The following HPSE2 variants were observed in gnomAD, a reference collection of about 807,000 sequenced individuals.
The protein encoded by HPSE2 is inactive heparanase-2.
Under a neutral mutation model 60.5 loss-of-function variants are expected in HPSE2, and 38 were observed. That is an observed-to-expected ratio of 0.63 (90% CI 0.48 to 0.82). The LOEUF (loss-of-function observed/expected upper bound fraction) is 0.82, where lower values mean the gene tolerates loss of function less well. Ranked by LOEUF, HPSE2 falls within the 40% of genes least tolerant of loss-of-function variation. The pLI is 0.00. For missense variants in HPSE2, 713 were observed against 740.4 expected (o/e 0.96, Z 0.43); for synonymous variants, 295 against 293.2 (o/e 1.01, Z -0.06).
At chr10:99,296,362 C>G in the HPSE2 span, among the ~76,000 whole-genome samples, 1 of 152,212 alleles carries the variant, frequency 6.6e-6, no homozygotes, top group Non-Finnish European at 1.5e-5. Context: ...GATGCCCCCC[C>G]AACATGCCGT....
intron 2 of HPSE2, among the ~76,000 whole-genome samples, chr10:99,196,600 C>T (rs1329417715): frequency 1.3e-5 from 2 of 152,058 alleles, no homozygotes; most frequent in Non-Finnish European, 2.9e-5. Flanking sequence ...AGCAAACAGG[C>T]ATATGAAAAG....
intron 2 of HPSE2, among the ~76,000 whole-genome samples, chr10:99,152,919 C>T (rs1021333620): frequency 6.6e-6 from 1 of 152,200 alleles, no homozygotes; most frequent in East Asian, 1.9e-4. Context: ...CGAAGCAGGG[C>T]GAGGCATTGC....
At chr10:98,756,187 A>C (rs912988595) in intron 3 of HPSE2, among the ~76,000 whole-genome samples, 1 of 152,170 alleles carries the variant, frequency 6.6e-6, no homozygotes, top group Non-Finnish European at 1.5e-5. Flanking sequence ...GTTAAAAAGA[A>C]AGTTTATAGC....
intron 9 of HPSE2, among the ~76,000 whole-genome samples, chr10:98,538,885 T>G (rs1943372395): frequency 6.6e-6 from 1 of 152,140 alleles, no homozygotes; most frequent in African/African-American, 2.4e-5. Context: ...AGCATACGCA[T>G]TTGCGGGGAC....
chr10:98,933,649 C>G (rs577619841), intron 3 of HPSE2, among the ~76,000 whole-genome samples: 2 of 143,704 alleles, frequency 1.4e-5, no homozygotes, highest in South Asian at 4.2e-4. Context: ...GTATTGGGTG[C>G]ATATATATTT....
At chr10:98,988,090 A>C (rs1440598534) in intron 3 of HPSE2, among the ~76,000 whole-genome samples, 1 of 152,250 alleles carries the variant, frequency 6.6e-6, no homozygotes, top group African/African-American at 2.4e-5. Context: ...TATAGATTCA[A>C]TGCCATCCCC....
intron 9 of HPSE2, among the ~76,000 whole-genome samples, chr10:98,511,572 G>A (rs554067364): frequency 3.3e-3 from 313 of 93,616 alleles, no homozygotes; most frequent in African/African-American, 9.5e-3. Context: ...GTGTGTGTGT[G>A]TGTGTGTGTG....
At chr10:98,571,924 C>A (rs1360507726) in intron 9 of HPSE2, among the ~76,000 whole-genome samples, 2 of 144,722 alleles carry the variant, frequency 1.4e-5, no homozygotes, top group African/African-American at 5.0e-5. Context: ...TAATTCAGAG[C>A]AAGAGAATTC....
intron 3 of HPSE2, among the ~76,000 whole-genome samples, chr10:98,837,009 C>T (rs1220031606): frequency 6.6e-6 from 1 of 152,188 alleles, no homozygotes; most frequent in Non-Finnish European, 1.5e-5. Context: ...GGTGCCACTG[C>T]ACTCTAGCCT....
At chr10:98,565,963 A>T (rs1944331336) in intron 9 of HPSE2, among the ~76,000 whole-genome samples, 7 of 152,158 alleles carry the variant, frequency 4.6e-5, no homozygotes, top group Non-Finnish European at 1.5e-5. Context: ...CTTCCCAAAG[A>T]AGAAGTCCAG....
intron 11 of HPSE2, among the ~76,000 whole-genome samples, chr10:98,466,620 A>C (rs1457873063): frequency 6.6e-6 from 1 of 151,862 alleles, no homozygotes; most frequent in East Asian, 1.9e-4. Flanking sequence ...CAAAAAAAAA[A>C]AAAAAAAGAA....
At position 98,482,673 on chromosome 10, in the gene HPSE2, G is replaced by A. The variant is rs1264019312; in HGVS notation, c.1576C>T (p.Leu526=). Residue 526 remains leucine (L), a synonymous_variant, in exon 11 of 12, where the codon CTG becomes TTG. Transcript: ENST00000370552. ...CCCTCCTGCCCATAGGGCTGCAGCAGGTACTGGTGAACCAGCTTGTCTCTG... is the reference window on the plus strand; with the variant it reads ...CCCTCCTGCCCATAGGGCTGCAGCAAGTACTGGTGAACCAGCTTGTCTCTG... ...TLRDKLVHQY[L]LQPYGQEGLK... The A allele has an allele frequency of 5.6e-6, 9 of 1,614,062 alleles. No homozygotes were observed. The African/African-American group carries it at 1.1e-4, about 19-fold the overall frequency.
chr10:98,948,123 G>A (rs1375601078), intron 3 of HPSE2, among the ~76,000 whole-genome samples: 1 of 152,148 alleles, frequency 6.6e-6, no homozygotes. Context: ...TGAAAGTCTG[G>A]AAGGATTACA....
intron 3 of HPSE2, among the ~76,000 whole-genome samples, chr10:98,757,823 A>G (rs181779258): frequency 1.2e-3 from 178 of 152,346 alleles, no homozygotes; most frequent in East Asian, 9.6e-3. Context: ...CATTTTCCAC[A>G]GAATTAGAAA....
chr10:98,574,633 T>G (rs604761), intron 9 of HPSE2, among the ~76,000 whole-genome samples: 129,110 of 151,978 alleles, frequency 0.85, 56,110 homozygotes, highest in East Asian at 1. Context: ...ACTCCCTGGA[T>G]AAGATGCAGC....
intron 3 of HPSE2, among the ~76,000 whole-genome samples, chr10:98,744,623 T>C (rs1207213866): frequency 6.6e-6 from 1 of 152,144 alleles, no homozygotes; most frequent in Non-Finnish European, 1.5e-5. Context: ...CCAAATCTAG[T>C]CCATCATATG....
chr10:98,569,220 C>T lies in HPSE2; in HGVS notation c.1320+45684G>A, dbSNP rs564158477. Reference sequence around the variant, plus strand: ...CTGGGATTACAGGCACCCGCCACCACGCCCAGCTAATTTTTTTGTATTTTG... The same window carrying T: ...CTGGGATTACAGGCACCCGCCACCATGCCCAGCTAATTTTTTTGTATTTTG... On this transcript the variant is annotated intron_variant, in intron 9 of 11. Transcript: ENST00000370552. 9.2e-5 allele frequency among the ~76,000 whole-genome samples: 14 copies of T among 152,056 alleles called. No homozygotes were observed. The South Asian group carries it at 2.1e-3, about 23-fold the overall frequency.
At chr10:99,015,658 G>T (rs934434096) in intron 3 of HPSE2, among the ~76,000 whole-genome samples, 3 of 151,736 alleles carry the variant, frequency 2.0e-5, no homozygotes, top group Admixed American at 2.0e-4. Context: ...TCAAACACCG[G>T]GGCCTGTTGT....
intron 3 of HPSE2, among the ~76,000 whole-genome samples, chr10:99,118,731 C>T (rs1844814433): frequency 6.6e-6 from 1 of 151,730 alleles, no homozygotes; most frequent in Non-Finnish European, 1.5e-5. Flanking sequence ...TAAAGGGCAT[C>T]CCGGGCCGAG....
Sources: allele counts gnomAD v4.1 joint callset (sites outside exome capture counted in the v4.1 genomes callset), GRCh38; gene constraint gnomAD v4.1.1; transcripts MANE v1.5; gene names NCBI Gene and HGNC (gene_info 2026-07-23, HGNC 2026-07-21).